Variants in KANSL3 observed in about 807,000 individuals in gnomAD.
KANSL3 encodes the protein KAT8 regulatory NSL complex subunit 3, also known as NSL complex protein NSL3.
A neutral mutation model predicts 89.2 loss-of-function variants in KANSL3; 16 were observed. That is an observed-to-expected ratio of 0.18 (90% CI 0.12 to 0.27). KANSL3 has a LOEUF of 0.27. Ranked by LOEUF, KANSL3 falls within the 10% of genes least tolerant of loss-of-function variation. The pLI, the probability that KANSL3 is intolerant of heterozygous loss-of-function variation, is 1.00. For missense variants in KANSL3, 879 were observed against 1,110.6 expected (o/e 0.79, Z 2.96); for synonymous variants, 385 against 419.7 (o/e 0.92, Z 1.01).
chr2:96,618,042 C>T (rs2070526679), intron 5 of KANSL3, among the ~76,000 whole-genome samples: 1 of 151,714 alleles, frequency 6.6e-6, no homozygotes, highest in Admixed American at 6.6e-5. Context: ...ACCTCTAGTC[C>T]CAGTACTTGG....
At chr2:96,629,569 G>A (rs1399861738) in intron 3 of KANSL3, among the ~76,000 whole-genome samples, 1 of 152,154 alleles carries the variant, frequency 6.6e-6, no homozygotes, top group African/African-American at 2.4e-5. Context: ...TGATCCACCC[G>A]CCTCAACCTC....
chr2:96,601,542 G>A (rs569338876), intron 20 of KANSL3, 101 bp downstream of exon 20: 21 of 1,461,796 alleles, frequency 1.4e-5, no homozygotes, highest in African/African-American at 2.9e-5. Context: ...TCTGAATCTC[G>A]TCTGTCCAGT....
chr2:96,601,064 A>G (rs994368118), intron 20 of KANSL3: 2 of 268,866 alleles, frequency 7.4e-6, no homozygotes, highest in Non-Finnish European at 1.1e-5. Flanking sequence ...AGACAAGTAG[A>G]TCACTTGAGG....
chr2:96,609,667 A>C, intron 11 of KANSL3, 105 bp from the exon 12 acceptor site: 1 of 1,078,924 alleles, frequency 9.3e-7, no homozygotes, highest in Non-Finnish European at 1.4e-6. Context: ...CTAGCCCCAG[A>C]AGGAGGGCCA....
chr2:96,606,216 A>G (rs1307936700), intron 14 of KANSL3: 1 of 152,466 alleles, frequency 6.6e-6, no homozygotes, highest in Non-Finnish European at 1.5e-5. Context: ...GGCCCATGTC[A>G]CAACCTAGTC....
chr2:96,598,119 T>C, intron 20 of KANSL3: 1 of 985,412 alleles, frequency 1.0e-6, no homozygotes, highest in Non-Finnish European at 1.2e-6. Flanking sequence ...AGGATCTGTG[T>C]TCTAGTTGTC....
rs936439564 is a variant in KANSL3, at chr2:96,602,855, T to C, written c.2157A>G (p.Thr719=). 3 of 1,613,782 alleles carry C rather than the reference T, an allele frequency of 1.9e-6. No individual in the cohort carries two copies. The highest frequency in any genetic ancestry group is 1.7e-5 in the Admixed American group (1 of 59,994). The change falls in exon 18 of 21, where the codon ACA becomes ACG. Residue 719 remains threonine (T), a synonymous_variant. Transcript: ENST00000431828. The part of the protein sequence containing the change: ...TSPGSSLPGA[T]SASSLLQGLS... ...GGCCTTGGAGGAGGCTGCTGGCTGA[T>C]GTGGCCCCTAAGAGAGGACATAGCA...
chr2:96,632,184 A>AATAT (rs2073505509), intron 2 of KANSL3, among the ~76,000 whole-genome samples: 1 of 152,160 alleles, frequency 6.6e-6, no homozygotes, highest in Admixed American at 6.6e-5. Flanking sequence ...ATAAATGACA[A>AATAT]ATATAGCCAG....
chr2:96,615,507 C>A, intron 5 of KANSL3: 1 of 1,287,432 alleles, frequency 7.8e-7, no homozygotes, highest in Non-Finnish European at 1.0e-6. Context: ...GAAGAAATAT[C>A]TGCGAATTCC....
At chr2:96,604,218 T>C (rs778069006) in intron 17 of KANSL3, 32 bp downstream of exon 17, 1 of 1,558,358 alleles carries the variant, frequency 6.4e-7, no homozygotes, top group East Asian at 2.3e-5. Context: ...AAATTCTGTG[T>C]TGGAAGGGGA....
rs936304811 is a variant in KANSL3, at chr2:96,595,425, C to A, written c.*186G>T. The stretch of plus-strand genomic sequence containing the variant: ...TTGCAGATCCTGGACGATGGTGCTT[C>A]CCTTGCTGGCACCGTATCACCTAAC... On this transcript the variant is annotated 3_prime_UTR_variant, in exon 21 of 21. Transcript: ENST00000431828. 1 of 570,322 alleles carries A rather than the reference C, an allele frequency of 1.8e-6. No homozygotes were observed. The highest frequency in any genetic ancestry group is 3.1e-6 in the Non-Finnish European group (1 of 319,918). The allele number at this position is 570,322 out of a possible 1,614,324, so 35.3% of individuals were successfully genotyped here.
intron 5 of KANSL3, among the ~76,000 whole-genome samples, chr2:96,615,328 C>T: frequency 6.6e-6 from 1 of 152,036 alleles, no homozygotes; most frequent in Non-Finnish European, 1.5e-5. Context: ...TAGAGTACTG[C>T]CTTCAAGCTG....
chr2:96,614,081 G>A (rs4907243), intron 5 of KANSL3, among the ~76,000 whole-genome samples: 10 of 152,100 alleles, frequency 6.6e-5, no homozygotes, highest in Non-Finnish European at 1.5e-4. Context: ...GATTATTTTC[G>A]AATATTTACA....
At chr2:96,630,800 G>C (rs181664896) in intron 3 of KANSL3, among the ~76,000 whole-genome samples, 3 of 152,174 alleles carry the variant, frequency 2.0e-5, no homozygotes, top group Non-Finnish European at 4.4e-5. Context: ...AACAAAACTA[G>C]CCAGTATACT....
In KANSL3 at chr2:96,601,637, A is replaced by T; in HGVS notation, c.2616+6T>A. The T allele has an allele frequency of 6.2e-7, 1 of 1,612,964 alleles. No individual in the cohort carries two copies. The highest frequency in any genetic ancestry group is 1.1e-5 in the South Asian group (1 of 90,936). ...CCATGTCCTCAGTCCTTCCTGGCAG[A>T]CTCACCTGTGAGCTGGAGGGCAGCA... On this transcript the variant is annotated splice_donor_region_variant and intron_variant, in intron 20 of 20. Coordinates refer to ENST00000431828, the MANE Select transcript of KANSL3 (RefSeq NM_001115016.3).
chr2:96,632,781 A>G (rs1042825994), intron 2 of KANSL3, among the ~76,000 whole-genome samples: 2 of 152,172 alleles, frequency 1.3e-5, no homozygotes, highest in East Asian at 1.9e-4. Flanking sequence ...CCTGGCTAAC[A>G]TGGAGAAACC....
downstream of KANSL3, among the ~76,000 whole-genome samples, chr2:96,592,953 A>G (rs2066314613): frequency 1.3e-5 from 2 of 152,208 alleles, no homozygotes; most frequent in South Asian, 2.1e-4. Flanking sequence ...CAGTTAGCCA[A>G]GATCGCGCCA....
chr2:96,616,171 T>C (rs921992121), intron 5 of KANSL3, among the ~76,000 whole-genome samples: 1 of 152,312 alleles, frequency 6.6e-6, no homozygotes. Flanking sequence ...GTAGGAAGGA[T>C]AGGACCAAAC....
At chr2:96,608,474 G>C in intron 14 of KANSL3, 34 bp downstream of exon 14, 5 of 1,611,692 alleles carry the variant, frequency 3.1e-6, no homozygotes, top group Non-Finnish European at 4.2e-6. Flanking sequence ...ACAGAAGACA[G>C]ACCCAAGAGG....
Sources: allele counts gnomAD v4.1 joint callset (sites outside exome capture counted in the v4.1 genomes callset), GRCh38; gene constraint gnomAD v4.1.1; transcripts MANE v1.5; gene names NCBI Gene and HGNC (gene_info 2026-07-23, HGNC 2026-07-21).